The following LDLRAD4 variants were observed in gnomAD, a reference collection of about 807,000 sequenced individuals.
LDLRAD4 encodes the protein low density lipoprotein receptor class A domain containing 4.
LDLRAD4 carries 5 observed loss-of-function variants against 17.0 expected under a neutral mutation model. The observed-to-expected ratio is 0.29, with a 90% CI of 0.15 to 0.62. LDLRAD4 has a LOEUF of 0.62. Ranked by LOEUF, LDLRAD4 falls within the 20% of genes least tolerant of loss-of-function variation. The probability of loss-of-function intolerance (pLI) is 0.84; values close to 1 mark genes in which losing one functional copy is unlikely to be tolerated. For synonymous variants in LDLRAD4, 168 were observed against 171.8 expected, an observed-to-expected ratio of 0.98 and a Z score of 0.17; for missense variants, 340 against 424.7, an observed-to-expected ratio of 0.80 and a Z score of 1.75.
At chr18:13,406,632 C>T (rs534330080) in intron 2 of LDLRAD4, among the ~76,000 whole-genome samples, 7 of 152,276 alleles carry the variant, frequency 4.6e-5, no homozygotes, top group Non-Finnish European at 8.8e-5. Context: ...TATCTCTGAG[C>T]GGGAGCTACA....
chr18:13,364,027 A>T (rs372095003), intron 1 of LDLRAD4, among the ~76,000 whole-genome samples: 2 of 152,216 alleles, frequency 1.3e-5, no homozygotes, highest in African/African-American at 4.8e-5. Flanking sequence ...TCTGAAGTAT[A>T]CTGAGGCCAT....
At chr18:13,406,156 G>A (rs1465339446) in intron 2 of LDLRAD4, among the ~76,000 whole-genome samples, 2 of 152,200 alleles carry the variant, frequency 1.3e-5, no homozygotes, top group African/African-American at 4.8e-5. Flanking sequence ...CTTGTGTTAT[G>A]CCTGGGCCCC....
rs150497412 is a variant in LDLRAD4 at position 13,323,445 on chromosome 18, C to A, written c.-383+45257C>A. On this transcript the variant is annotated intron_variant, in intron 1 of 5. Coordinates refer to ENST00000359446, the Ensembl canonical transcript of LDLRAD4. ...AAAGGAATGAGGATAGTTTTTGCGT[C>A]CTGAGCTGGAAATAGCAAATGTGTT... is the stretch of plus-strand genomic sequence containing the variant. Among the ~76,000 whole-genome samples the A allele has an allele frequency of 3.2e-4, 49 of 152,280 alleles. No individual in the cohort carries two copies. The East Asian group carries it at 7.7e-3, about 24-fold the overall frequency.
chr18:13,569,240 C>T (rs539396492), intron 3 of LDLRAD4, among the ~76,000 whole-genome samples: 39 of 152,246 alleles, frequency 2.6e-4, no homozygotes, highest in African/African-American at 7.7e-4. Context: ...TTCTTTCCCA[C>T]GCTTGGGCCT....
At chr18:13,608,713 A>C (rs977615963) in intron 3 of LDLRAD4, among the ~76,000 whole-genome samples, 1 of 152,154 alleles carries the variant, frequency 6.6e-6, no homozygotes, top group African/African-American at 2.4e-5. Context: ...TTGGTTCCTT[A>C]AATAAGCAAC....
intron 2 of LDLRAD4, among the ~76,000 whole-genome samples, chr18:13,402,032 G>A (rs561901008): frequency 7.2e-5 from 11 of 152,318 alleles, no homozygotes; most frequent in Admixed American, 3.9e-4. Flanking sequence ...TTGCCAAATC[G>A]CTCTTTCATC....
intron 3 of LDLRAD4, among the ~76,000 whole-genome samples, chr18:13,478,679 A>G (rs2093008677): frequency 6.6e-6 from 1 of 152,248 alleles, no homozygotes; most frequent in Non-Finnish European, 1.5e-5. Flanking sequence ...AAGACTTAAT[A>G]TAGTCAAGAT....
chr18:13,286,481 C>G (rs2045628273), intron 1 of LDLRAD4, among the ~76,000 whole-genome samples: 1 of 152,376 alleles, frequency 6.6e-6, no homozygotes, highest in South Asian at 2.1e-4. Flanking sequence ...AAGCAATCTT[C>G]CTGCCTCAGC....
chr18:13,305,244 A>G (rs188791275), intron 1 of LDLRAD4, among the ~76,000 whole-genome samples: 36 of 152,260 alleles, frequency 2.4e-4, no homozygotes, highest in African/African-American at 7.7e-4. Context: ...GCACACACTT[A>G]CATATATACA....
chr18:13,397,136 T>A (rs898821424), intron 2 of LDLRAD4, among the ~76,000 whole-genome samples: 1 of 152,064 alleles, frequency 6.6e-6, no homozygotes, highest in African/African-American at 2.4e-5. Context: ...CTTTTATTTT[T>A]TTGTTTTTGT....
At chr18:13,486,130 A>C (rs984607492) in intron 3 of LDLRAD4, among the ~76,000 whole-genome samples, 1 of 152,148 alleles carries the variant, frequency 6.6e-6, no homozygotes, top group African/African-American at 2.4e-5. Flanking sequence ...GGATTCTAGA[A>C]ACTGGATTTT....
chr18:13,273,972 A>G (rs976386224), upstream of LDLRAD4, among the ~76,000 whole-genome samples: 2 of 152,118 alleles, frequency 1.3e-5, no homozygotes, highest in Non-Finnish European at 2.9e-5. Flanking sequence ...GCAGCCCCAC[A>G]GGACCCTGCT....
intron 2 of LDLRAD4, among the ~76,000 whole-genome samples, chr18:13,395,671 TG>T (rs1441351129): frequency 1.5e-5 from 1 of 67,562 alleles, no homozygotes. Flanking sequence ...GGAGCTGGCG[TG>T]GGGGCGGGAG....
intron 4 of LDLRAD4, among the ~76,000 whole-genome samples, chr18:13,639,207 T>A (rs1297561062): frequency 6.6e-6 from 1 of 151,984 alleles, no homozygotes; most frequent in African/African-American, 2.4e-5. Flanking sequence ...CCATAATGAG[T>A]ATGCGGGAAT....
At chr18:13,298,447 G>A (rs553015491) in intron 1 of LDLRAD4, among the ~76,000 whole-genome samples, 6 of 145,678 alleles carry the variant, frequency 4.1e-5, no homozygotes, top group South Asian at 4.5e-4. Context: ...CTCCGGGCAC[G>A]GCAATTTTGC....
intron 4 of LDLRAD4, among the ~76,000 whole-genome samples, chr18:13,636,030 G>A (rs2042053496): frequency 6.6e-6 from 1 of 152,016 alleles, no homozygotes; most frequent in Admixed American, 6.5e-5. Flanking sequence ...CCTTTGGCGT[G>A]TTTACTGCTG....
intron 1 of LDLRAD4, among the ~76,000 whole-genome samples, chr18:13,328,243 G>T (rs897141634): frequency 6.6e-6 from 1 of 152,158 alleles, no homozygotes; most frequent in Non-Finnish European, 1.5e-5. Context: ...ATGTCACATG[G>T]CTAAAAACTC....
intron 1 of LDLRAD4, among the ~76,000 whole-genome samples, chr18:13,225,796 G>A (rs773962064): frequency 2.0e-5 from 3 of 152,152 alleles, no homozygotes; most frequent in Non-Finnish European, 4.4e-5. Flanking sequence ...AGTCATTTAT[G>A]TACTTTTTAG....
At chr18:13,444,763 G>A (rs899692178) in intron 3 of LDLRAD4, among the ~76,000 whole-genome samples, 1 of 152,226 alleles carries the variant, frequency 6.6e-6, no homozygotes, top group Admixed American at 6.5e-5. Context: ...ATGGGGCATG[G>A]CCCTGTAAAT....
Sources: allele counts gnomAD v4.1 joint callset (sites outside exome capture counted in the v4.1 genomes callset), GRCh38; gene constraint gnomAD v4.1.1; transcripts MANE v1.5; gene names NCBI Gene and HGNC (gene_info 2026-07-23, HGNC 2026-07-21).